Variants in CDKN1A observed in about 807,000 individuals in gnomAD.
CDKN1A encodes cyclin dependent kinase inhibitor 1A.
CDKN1A carries 14 observed loss-of-function variants against 14.8 expected under a neutral mutation model. The observed-to-expected ratio is 0.94, with a 90% CI of 0.62 to 1.48. CDKN1A has a LOEUF of 1.48. CDKN1A is among the 40% of genes most tolerant of loss of function. The pLI is 0.00. For missense variants in CDKN1A, 203 were observed against 231.7 expected (o/e 0.88, Z 0.80); for synonymous variants, 92 against 93.5 (o/e 0.98, Z 0.09).
chr6:36,679,881 G>A (rs1417430725), intron 1 of CDKN1A, among the ~76,000 whole-genome samples: 4 of 151,740 alleles, frequency 2.6e-5, no homozygotes, highest in Admixed American at 1.3e-4. Flanking sequence ...GGTCTGGGGG[G>A]CACGACGCTG....
At position 36,684,894 on chromosome 6, in the gene CDKN1A, C is replaced by T. The variant is rs897298166; in HGVS notation, c.445+348C>T. On this transcript the variant is annotated intron_variant, in intron 2 of 2. Coordinates refer to ENST00000244741, the MANE Select transcript of CDKN1A (RefSeq NM_000389.5). This position sits in a 1 kb window ranked among gnomAD's most constrained non-coding sequence, Gnocchi z 6.0. ...TTGGCCAGACTGGAGTGCAGTGATA[C>T]GATCATGGCTCACTGCAGCTTCAAA... Among the ~76,000 whole-genome samples the T allele has an allele frequency of 2.6e-5, 4 of 152,198 alleles. No homozygotes were observed. Among genetic ancestry groups the T allele is most frequent in the Admixed American group, 2.0e-4 (3 of 15,278 alleles).
chr6:36,680,270 G>C (rs1353115305), intron 1 of CDKN1A, among the ~76,000 whole-genome samples: 1 of 150,570 alleles, frequency 6.6e-6, no homozygotes, highest in Non-Finnish European at 1.5e-5. Context: ...TGGAGGGGCC[G>C]GCTCCCGGCG....
chr6:36,684,078 C>T lies in CDKN1A; in HGVS notation c.-5-19C>T. On this transcript the variant is annotated intron_variant, in intron 1 of 2. Coordinates refer to ENST00000244741, the MANE Select transcript of CDKN1A (RefSeq NM_000389.5). This position sits in a 1 kb window ranked among gnomAD's most constrained non-coding sequence, Gnocchi z 6.0. ...TAATCTCCGCCGTGACCAGGGCCTT[C>T]CTTGTATCTCTGCTGCAGGCGCCAT... 1.2e-6 allele frequency: 2 copies of T among 1,612,022 alleles called. No homozygotes were observed. Among genetic ancestry groups the T allele is most frequent in the Non-Finnish European group, 1.7e-6 (2 of 1,179,520 alleles).
At chr6:36,678,048 C>A, upstream of CDKN1A, 1 of 437,570 alleles carries the variant, frequency 2.3e-6, no homozygotes, top group Non-Finnish European at 4.4e-6. This position sits in a 1 kb window ranked among gnomAD's most constrained non-coding sequence, Gnocchi z 5.7. Flanking sequence ...AAGCATGTGA[C>A]AATCAACAAC....
At position 36,684,376 on chromosome 6, in the gene CDKN1A, G is replaced by A. The variant is rs1053091197; in HGVS notation, c.275G>A (p.Gly92Asp). ...PRRGRDELGGGRRPGTSPALL... is the reference protein window; with the variant it reads ...PRRGRDELGGDRRPGTSPALL... ...CGAGGCCGGGATGAGTTGGGAGGAGGCAGGCGGCCTGGCACCTCACCTGCT... is the reference window on the plus strand; with the variant it reads ...CGAGGCCGGGATGAGTTGGGAGGAGACAGGCGGCCTGGCACCTCACCTGCT... Residue 92 changes from glycine (G) to aspartate (D), a missense_variant, in exon 2 of 3, where the codon GGC becomes GAC. Physicochemically the swap from Gly to Asp is moderately conservative, Grantham distance 94. Transcript: ENST00000244741. This position sits in a 1 kb window ranked among gnomAD's most constrained non-coding sequence, Gnocchi z 6.0. 1 of 1,613,280 alleles carries A rather than the reference G, an allele frequency of 6.2e-7. No individual in the cohort carries two copies. The highest frequency in any genetic ancestry group is 8.5e-7 in the Non-Finnish European group (1 of 1,179,782).
intron 1 of CDKN1A, among the ~76,000 whole-genome samples, chr6:36,679,983 G>C (rs539878419): frequency 2.6e-5 from 4 of 152,306 alleles, no homozygotes; most frequent in Non-Finnish European, 5.9e-5. Context: ...AGCGGAGCAG[G>C]GGGGCGAGTC....
upstream of CDKN1A, chr6:36,677,809 C>T (rs1444879757): frequency 8.2e-7 from 1 of 1,215,524 alleles, no homozygotes; most frequent in Non-Finnish European, 1.1e-6. Flanking sequence ...TCTCTGAGCC[C>T]CAGTTTCCCC....
In CDKN1A at chr6:36,684,140, C is replaced by T. The variant is rs756319938; in HGVS notation, c.39C>T (p.Cys13=). ...EPAGDVRQNP[C]GSKACRRLFG... ...CTGGGGATGTCCGTCAGAACCCATG[C>T]GGCAGCAAGGCCTGCCGCCGCCTCT... is the stretch of plus-strand genomic sequence containing the variant. The change falls in exon 2 of 3, where the codon TGC becomes TGT. Residue 13 remains cysteine, a synonymous_variant. Transcript: ENST00000244741. This position sits in a 1 kb window ranked among gnomAD's most constrained non-coding sequence, Gnocchi z 6.0. 53 of 1,612,892 alleles carry T rather than the reference C, an allele frequency of 3.3e-5. No individual in the cohort carries two copies. Among genetic ancestry groups the T allele is most frequent in the East Asian group, 1.8e-4 (8 of 44,894 alleles).
At chr6:36,683,258 G>T (rs189520897) in intron 1 of CDKN1A, among the ~76,000 whole-genome samples, 4 of 152,314 alleles carry the variant, frequency 2.6e-5, no homozygotes, top group Admixed American at 6.5e-5. Context: ...GGAAACTAGA[G>T]CTCAGACAAG....
In CDKN1A at chr6:36,684,791, C is replaced by A. The variant is rs1762145217; in HGVS notation, c.445+245C>A. Among the ~76,000 whole-genome samples, 1 of 152,186 alleles carries A rather than the reference C, an allele frequency of 6.6e-6. No homozygotes were observed. Among genetic ancestry groups the A allele is most frequent in the South Asian group, 2.1e-4 (1 of 4,832 alleles). On this transcript the variant is annotated intron_variant, in intron 2 of 2. Coordinates refer to ENST00000244741, the MANE Select transcript of CDKN1A (RefSeq NM_000389.5). The surrounding 1 kb of genome is among the most constrained non-coding windows in gnomAD (Gnocchi z 6.0). ...AGCTTCTAAGGTAGATTTATTTAGT[C>A]CTTATAGCAATGTTATAACATAAGA...
chr6:36,686,679 C>T lies in CDKN1A; in HGVS notation c.*879C>T, dbSNP rs186592256. The T allele has an allele frequency of 6.2e-4, 145 of 234,006 alleles. No individual in the cohort carries two copies. Among genetic ancestry groups the T allele is most frequent in the African/African-American group, 2.9e-3 (130 of 45,432 alleles). The allele number at this position is 234,006 out of a possible 1,614,324, so 14.5% of individuals were successfully genotyped here. The stretch of plus-strand genomic sequence containing the variant: ...AGGTGGCTCTGAGGTGCCTGTCCCA[C>T]CCCCACCCCCAGCTCAATGGACTGG... On this transcript the variant is annotated 3_prime_UTR_variant, in exon 3 of 3. Transcript: ENST00000244741. The surrounding 1 kb of genome is among the most constrained non-coding windows in gnomAD (Gnocchi z 4.9).
At chr6:36,681,748 T>C (rs1004975245) in intron 1 of CDKN1A, among the ~76,000 whole-genome samples, 7 of 151,718 alleles carry the variant, frequency 4.6e-5, no homozygotes, top group Middle Eastern at 3.2e-3. Flanking sequence ...GCTGCCATCA[T>C]GCCCGGCTAA....
chr6:36,685,779 C>T lies in CDKN1A; in HGVS notation c.474C>T (p.Ile158=), dbSNP rs772087100. 2 of 1,614,104 alleles carry T rather than the reference C, an allele frequency of 1.2e-6. No homozygotes were observed. Among genetic ancestry groups the T allele is most frequent in the Non-Finnish European group, 1.7e-6 (2 of 1,180,030 alleles). Residue 158 remains isoleucine (I), a synonymous_variant, in exon 3 of 3, where the codon ATC becomes ATT. Transcript: ENST00000244741. ...TDFYHSKRRL[I]FSKRKP ...TCTACCACTCCAAACGCCGGCTGATCTTCTCCAAGAGGAAGCCCTAATCCG... is the reference window on the plus strand; with the variant it reads ...TCTACCACTCCAAACGCCGGCTGATTTTCTCCAAGAGGAAGCCCTAATCCG...
At chr6:36,683,650 C>A (rs750363291) in intron 1 of CDKN1A, among the ~76,000 whole-genome samples, 13 of 152,194 alleles carry the variant, frequency 8.5e-5, no homozygotes, top group Non-Finnish European at 1.6e-4. Flanking sequence ...GCTGGAGGAA[C>A]TGTCAGACTG....
In CDKN1A at chr6:36,678,936, G is replaced by A. The variant is rs1406712452; in HGVS notation, c.-6+138G>A. ...TGCTGCGTTCACAGGTGTTTCTGCG[G>A]CAGGTGAATGACGGGCGTGGGTCGG... is the stretch of plus-strand genomic sequence containing the variant. On this transcript the variant is annotated intron_variant, in intron 1 of 2. Coordinates refer to ENST00000244741, the MANE Select transcript of CDKN1A (RefSeq NM_000389.5). This position sits in a 1 kb window ranked among gnomAD's most constrained non-coding sequence, Gnocchi z 5.7. 4.1e-6 allele frequency: 4 copies of A among 985,840 alleles called. No individual in the cohort carries two copies. The highest frequency in any genetic ancestry group is 1.7e-5 in the African/African-American group (1 of 57,262). The allele number at this position is 985,840 out of a possible 1,614,324, so 61.1% of individuals were successfully genotyped here.
intron 1 of CDKN1A, chr6:36,680,540 T>C (rs1761899685): frequency 6.6e-6 from 1 of 151,388 alleles, no homozygotes; most frequent in Admixed American, 6.6e-5. Context: ...AACTGACTCA[T>C]CACTACTCCC....
upstream of CDKN1A, chr6:36,678,087 A>G (rs1421259055): frequency 2.6e-6 from 1 of 381,634 alleles, no homozygotes; most frequent in African/African-American, 2.1e-5. The surrounding 1 kb of genome is among the most constrained non-coding windows in gnomAD (Gnocchi z 5.7). Context: ...GTGGACCTCA[A>G]TTTCCTCATC....
chr6:36,685,606 G>A lies in CDKN1A; in HGVS notation c.446-145G>A, dbSNP rs1283247936. ...ATACCCCTCAAGAGACAGAGTGGAC[G>A]TTCCCCGAGTTCTTCCTGTTCTCAG... is the stretch of plus-strand genomic sequence containing the variant. On this transcript the variant is annotated intron_variant, in intron 2 of 2. Coordinates refer to ENST00000244741, the MANE Select transcript of CDKN1A (RefSeq NM_000389.5). 4.1e-5 allele frequency: 33 copies of A among 809,510 alleles called. No individual in the cohort carries two copies. In the Admixed American group the frequency reaches 4.8e-4, roughly 12 times the overall value. The allele number at this position is 809,510 out of a possible 1,614,324, so 50.1% of individuals were successfully genotyped here.
intron 1 of CDKN1A, among the ~76,000 whole-genome samples, chr6:36,681,715 C>T (rs900614600): frequency 2.2e-4 from 34 of 151,180 alleles, no homozygotes; most frequent in African/African-American, 8.0e-4. Flanking sequence ...GCCTCAGCCT[C>T]CCGAGTAGCT....
Sources: gnomAD v4.1 joint callset for allele counts (sites outside exome capture counted in the v4.1 genomes callset) on GRCh38, gnomAD v4.1.1 for gene constraint, Gnocchi (gnomAD v3.1) non-coding constraint, MANE v1.5 for transcripts, NCBI Gene and HGNC (gene_info 2026-07-23, HGNC 2026-07-21) for gene names.